NR2F1-AS1: variants seen among roughly 807,000 people sequenced by gnomAD.
NR2F1-AS1 encodes the protein NR2F1 antisense RNA 1.
chr5:93,497,175 A>G (rs1750978983), intron 4 of NR2F1-AS1, among the ~76,000 whole-genome samples: 2 of 152,206 alleles, frequency 1.3e-5, no homozygotes, highest in Non-Finnish European at 1.5e-5. Flanking sequence ...TATGATAGAA[A>G]CAAAATAACC....
chr5:93,463,495 C>G (rs1202276581), intron 4 of NR2F1-AS1, among the ~76,000 whole-genome samples: 1 of 152,192 alleles, frequency 6.6e-6, no homozygotes, highest in Non-Finnish European at 1.5e-5. Flanking sequence ...CCCACTGGGG[C>G]ACTGCCTAGT....
chr5:93,539,964 A>G (rs1326882100), intron 4 of NR2F1-AS1, among the ~76,000 whole-genome samples: 1 of 152,254 alleles, frequency 6.6e-6, no homozygotes, highest in East Asian at 1.9e-4. Context: ...CAAGATACTA[A>G]GACAACCTAT....
At chr5:93,574,910 C>T (rs1039472779) in intron 1 of NR2F1-AS1, among the ~76,000 whole-genome samples, 7 of 152,186 alleles carry the variant, frequency 4.6e-5, no homozygotes, top group Non-Finnish European at 1.0e-4. Context: ...CCCGGGGAAA[C>T]ATATCCGTTG....
At chr5:93,503,906 A>G (rs1751134129) in intron 4 of NR2F1-AS1, among the ~76,000 whole-genome samples, 1 of 150,182 alleles carries the variant, frequency 6.7e-6, no homozygotes, top group Middle Eastern at 3.5e-3. Context: ...TAAATCACAC[A>G]TGAGCATGGC....
intron 4 of NR2F1-AS1, among the ~76,000 whole-genome samples, chr5:93,500,508 T>A (rs1414902740): frequency 6.6e-6 from 1 of 152,126 alleles, no homozygotes; most frequent in Non-Finnish European, 1.5e-5. Context: ...TACTGCTCAT[T>A]AACAATGCAC....
chr5:93,448,273 A>C (rs1259681661), intron 4 of NR2F1-AS1, among the ~76,000 whole-genome samples: 1 of 152,202 alleles, frequency 6.6e-6, no homozygotes, highest in African/African-American at 2.4e-5. Context: ...TCTCATGTTA[A>C]ACAATTAATA....
intron 4 of NR2F1-AS1, among the ~76,000 whole-genome samples, chr5:93,465,762 A>G (rs996201448): frequency 5.3e-5 from 8 of 152,214 alleles, no homozygotes; most frequent in African/African-American, 1.9e-4. Context: ...GGATGAGTTC[A>G]TGTCCTTTGC....
intron 4 of NR2F1-AS1, among the ~76,000 whole-genome samples, chr5:93,446,907 C>T (rs1440854162): frequency 1.3e-5 from 2 of 152,130 alleles, no homozygotes; most frequent in Admixed American, 1.3e-4. Flanking sequence ...CACACATCTA[C>T]AACCATCTGA....
chr5:93,450,483 C>A (rs1021140276), intron 4 of NR2F1-AS1, among the ~76,000 whole-genome samples: 1 of 152,128 alleles, frequency 6.6e-6, no homozygotes. Context: ...CTACTCTAAG[C>A]AAAATATTTC....
intron 4 of NR2F1-AS1, among the ~76,000 whole-genome samples, chr5:93,503,691 T>C (rs1407344703): frequency 6.6e-6 from 1 of 152,188 alleles, no homozygotes; most frequent in Non-Finnish European, 1.5e-5. Context: ...CAGCCTCTAA[T>C]AAACATCCTG....
intron 4 of NR2F1-AS1, among the ~76,000 whole-genome samples, chr5:93,419,971 T>C (rs550958066): frequency 2.5e-4 from 38 of 152,138 alleles, no homozygotes; most frequent in Non-Finnish European, 4.6e-4. Flanking sequence ...CAGAGGTGGG[T>C]GGATCACTTG....
chr5:93,516,441 T>C (rs1019062352), intron 4 of NR2F1-AS1, among the ~76,000 whole-genome samples: 4 of 151,958 alleles, frequency 2.6e-5, no homozygotes, highest in African/African-American at 9.7e-5. Flanking sequence ...ACATTTGTAC[T>C]GTTTTTCTTT....
At chr5:93,530,477 C>G (rs990988996) in intron 4 of NR2F1-AS1, among the ~76,000 whole-genome samples, 1 of 152,128 alleles carries the variant, frequency 6.6e-6, no homozygotes, top group Non-Finnish European at 1.5e-5. Context: ...CCTTTAGGCC[C>G]TAGAGAGTTC....
intron 4 of NR2F1-AS1, among the ~76,000 whole-genome samples, chr5:93,516,964 A>G (rs1322901258): frequency 6.6e-6 from 1 of 152,008 alleles, no homozygotes; most frequent in Non-Finnish European, 1.5e-5. Context: ...AAATAAATCT[A>G]ACAGCAGATT....
At chr5:93,497,992 A>C (rs889076801) in intron 4 of NR2F1-AS1, among the ~76,000 whole-genome samples, 2 of 152,156 alleles carry the variant, frequency 1.3e-5, no homozygotes, top group African/African-American at 4.8e-5. Context: ...CTTTTATAAA[A>C]TAAATGAAGA....
At chr5:93,507,714 A>C (rs1186434475) in intron 4 of NR2F1-AS1, among the ~76,000 whole-genome samples, 1 of 152,194 alleles carries the variant, frequency 6.6e-6, no homozygotes, top group East Asian at 1.9e-4. Context: ...ATTTACAAAT[A>C]ACATGATTAT....
At chr5:93,530,699 A>G (rs1313771918) in intron 4 of NR2F1-AS1, among the ~76,000 whole-genome samples, 2 of 152,214 alleles carry the variant, frequency 1.3e-5, no homozygotes, top group African/African-American at 4.8e-5. Context: ...TCACTGAGAA[A>G]AATGACGGAC....
intron 4 of NR2F1-AS1, among the ~76,000 whole-genome samples, chr5:93,443,597 G>A (rs1007364342): frequency 1.3e-5 from 2 of 152,160 alleles, no homozygotes; most frequent in African/African-American, 4.8e-5. Context: ...AAGTGATGAG[G>A]GGAATGGAAC....
rs77554634 is a variant in NR2F1-AS1 at position 93,530,705 on chromosome 5, C to T, written n.638+23056G>A. 8.0e-3 allele frequency among the ~76,000 whole-genome samples: 1,214 copies of T among 152,220 alleles called. 8 individuals carry two copies. Among genetic ancestry groups the T allele is most frequent in the Non-Finnish European group, 0.012 (799 of 68,000 alleles). On this transcript the variant is annotated intron_variant and non_coding_transcript_variant, in intron 4 of 5. Transcript: ENST00000660523. Reference sequence around the variant, plus strand: ...ACATTTCATTCACTGAGAAAAATGACGGACATGCCTAATTTGATAGCAAGG... The same window carrying T: ...ACATTTCATTCACTGAGAAAAATGATGGACATGCCTAATTTGATAGCAAGG...
Sources: gnomAD v4.1 joint callset for allele counts (sites outside exome capture counted in the v4.1 genomes callset) on GRCh38, gnomAD v4.1.1 for gene constraint, MANE v1.5 for transcripts, NCBI Gene and HGNC (gene_info 2026-07-23, HGNC 2026-07-21) for gene names.